Variants in RBMS3 observed in about 807,000 individuals in gnomAD.
The protein encoded by RBMS3 is RNA binding motif single stranded interacting protein 3, also known as RNA-binding motif, single-stranded-interacting protein 3.
A neutral mutation model predicts 66.8 loss-of-function variants in RBMS3; 27 were observed. That is an observed-to-expected ratio of 0.40 (90% CI 0.30 to 0.56). The LOEUF (loss-of-function observed/expected upper bound fraction) is 0.56, where lower values mean the gene tolerates loss of function less well. Among genes scored for constraint, RBMS3 ranks in the 20% least tolerant of loss-of-function variants. The pLI is 0.40. For missense variants in RBMS3, 513 were observed against 549.5 expected (o/e 0.93, Z 0.66); for synonymous variants, 188 against 183.0 (o/e 1.03, Z -0.22).
At chr3:29,845,264 T>C (rs1186975395) in intron 6 of RBMS3, among the ~76,000 whole-genome samples, 3 of 152,216 alleles carry the variant, frequency 2.0e-5, no homozygotes, top group Non-Finnish European at 4.4e-5. Flanking sequence ...AAGTTGGTAG[T>C]TAAGAGTCTG....
At chr3:29,711,108 C>T (rs1006027192) in intron 4 of RBMS3, among the ~76,000 whole-genome samples, 1 of 152,062 alleles carries the variant, frequency 6.6e-6, no homozygotes, top group Non-Finnish European at 1.5e-5. Context: ...ACATACATAG[C>T]TGTGATAAAG....
At chr3:29,978,405 T>G (rs1697740338) in intron 12 of RBMS3, among the ~76,000 whole-genome samples, 1 of 152,134 alleles carries the variant, frequency 6.6e-6, no homozygotes, top group Non-Finnish European at 1.5e-5. Context: ...CTGTTCTTAA[T>G]TTTCAAACAA....
chr3:29,989,993 A>T (rs1466194806), intron 13 of RBMS3, among the ~76,000 whole-genome samples: 3 of 152,200 alleles, frequency 2.0e-5, no homozygotes, highest in Non-Finnish European at 4.4e-5. Context: ...TATTGGAAAC[A>T]GTCTAATTAT....
chr3:29,871,569 G>T (rs1448127878), intron 7 of RBMS3, among the ~76,000 whole-genome samples: 2 of 151,970 alleles, frequency 1.3e-5, no homozygotes, highest in African/African-American at 4.8e-5. Flanking sequence ...TGTTTGTTTT[G>T]ATATATGAAA....
chr3:29,985,065 G>T (rs1458203657), intron 12 of RBMS3, among the ~76,000 whole-genome samples: 1 of 152,218 alleles, frequency 6.6e-6, no homozygotes, highest in Non-Finnish European at 1.5e-5. Flanking sequence ...CCTAACTGGG[G>T]CTGCTGCCTT....
intron 3 of RBMS3, among the ~76,000 whole-genome samples, chr3:29,546,768 A>G (rs1017261523): frequency 9.2e-5 from 14 of 152,168 alleles, no homozygotes; most frequent in African/African-American, 3.4e-4. Flanking sequence ...GTTTTTGAGT[A>G]GACTCATTTC....
chr3:29,967,660 T>G (rs1250123413), intron 12 of RBMS3, among the ~76,000 whole-genome samples: 4 of 152,214 alleles, frequency 2.6e-5, no homozygotes, highest in Non-Finnish European at 4.4e-5. Flanking sequence ...GTTATCGGTC[T>G]GTTCAGGGCA....
At chr3:29,356,077 T>A (rs1041308586) in intron 1 of RBMS3, among the ~76,000 whole-genome samples, 3 of 152,152 alleles carry the variant, frequency 2.0e-5, no homozygotes, top group Admixed American at 1.3e-4. Context: ...CATCTTTGTT[T>A]TTGTAAGGAC....
chr3:29,310,625 G>A (rs1442114564), intron 1 of RBMS3, among the ~76,000 whole-genome samples: 2 of 151,582 alleles, frequency 1.3e-5, no homozygotes, highest in Non-Finnish European at 3.0e-5. Context: ...TATTTTATGG[G>A]AAGATTTTCT....
chr3:29,836,898 T>C (rs995109874), intron 6 of RBMS3, among the ~76,000 whole-genome samples: 1 of 151,948 alleles, frequency 6.6e-6, no homozygotes, highest in Non-Finnish European at 1.5e-5. Context: ...CTCTAATGTT[T>C]AACTTAAGTA....
At chr3:29,689,287 C>A (rs993570307) in intron 4 of RBMS3, among the ~76,000 whole-genome samples, 10 of 152,100 alleles carry the variant, frequency 6.6e-5, no homozygotes, top group Admixed American at 3.3e-4. Context: ...ATAAAAAGAT[C>A]TACATCTTTT....
chr3:29,340,139 C>T (rs574796963), intron 1 of RBMS3, among the ~76,000 whole-genome samples: 3 of 152,126 alleles, frequency 2.0e-5, no homozygotes, highest in Non-Finnish European at 4.4e-5. Context: ...GTTTGTCTGT[C>T]TTCTCCCAGG....
At chr3:29,857,395 G>A (rs544779502) in intron 6 of RBMS3, among the ~76,000 whole-genome samples, 23 of 94,888 alleles carry the variant, frequency 2.4e-4, no homozygotes, top group East Asian at 6.1e-4. Context: ...ACGGGGCCCC[G>A]ATTTGTTTTT....
At position 29,605,144 on chromosome 3, in the gene RBMS3, C is replaced by T. The variant is rs1377034698; in HGVS notation, c.399+17939C>T. On this transcript the variant is annotated intron_variant, in intron 4 of 14. Coordinates refer to ENST00000383767, the MANE Select transcript of RBMS3 (RefSeq NM_001003793.3). The stretch of plus-strand genomic sequence containing the variant: ...ATATTTTTGTAAATTGTTTATCCTC[C>T]TTTGCTTTTCCTCCTTTGAAATACA... Among the ~76,000 whole-genome samples, 7 of 151,572 alleles carry T rather than the reference C, an allele frequency of 4.6e-5. No individual in the cohort carries two copies. The Admixed American group carries it at 4.6e-4, about 10-fold the overall frequency.
rs557670835 is a variant in RBMS3 at position 29,462,699 on chromosome 3, A to G, written c.249-25742A>G. 8.3e-4 allele frequency among the ~76,000 whole-genome samples: 126 copies of G among 152,298 alleles called. 3 individuals are homozygous for G. The South Asian group carries it at 8.9e-3, about 11-fold the overall frequency. ...TAAAGCTATATTTGATGTATGACAAATGTATATTCATAGATTGCTACCACA... is the reference window on the plus strand; with the variant it reads ...TAAAGCTATATTTGATGTATGACAAGTGTATATTCATAGATTGCTACCACA... On this transcript the variant is annotated intron_variant, in intron 2 of 14. Transcript: ENST00000383767.
intron 3 of RBMS3, among the ~76,000 whole-genome samples, chr3:29,577,410 G>T (rs1005165087): frequency 1.3e-5 from 2 of 152,134 alleles, no homozygotes; most frequent in African/African-American, 4.8e-5. Flanking sequence ...TGCCCCGGCT[G>T]GTGTCTCCCT....
At chr3:29,336,624 C>A (rs1159141703) in intron 1 of RBMS3, among the ~76,000 whole-genome samples, 1 of 152,078 alleles carries the variant, frequency 6.6e-6, no homozygotes, top group Non-Finnish European at 1.5e-5. Flanking sequence ...GCTACCATGT[C>A]TTAGGCATCA....
rs1369551379 is a variant in RBMS3 at position 29,744,922 on chromosome 3, C to T, written c.557+5045C>T. ...CCTGAATAATTTTTTCAGTGGACTTCATTTTGAATGTTACTATTGGTGACT... is the reference window on the plus strand; with the variant it reads ...CCTGAATAATTTTTTCAGTGGACTTTATTTTGAATGTTACTATTGGTGACT... On this transcript the variant is annotated intron_variant, in intron 5 of 14. Transcript: ENST00000383767. Among the ~76,000 whole-genome samples, 6 of 152,102 alleles carry T rather than the reference C, an allele frequency of 3.9e-5. 1 individual carries two copies. The South Asian group carries it at 1.0e-3, about 26-fold the overall frequency.
intron 1 of RBMS3, among the ~76,000 whole-genome samples, chr3:29,330,382 C>T (rs2035582412): frequency 1.3e-5 from 2 of 152,224 alleles, no homozygotes; most frequent in South Asian, 4.1e-4. Context: ...ACTGGATACA[C>T]TTTGGAAGAA....
Sources: allele counts gnomAD v4.1 joint callset (sites outside exome capture counted in the v4.1 genomes callset), GRCh38; gene constraint gnomAD v4.1.1; transcripts MANE v1.5; gene names NCBI Gene and HGNC (gene_info 2026-07-23, HGNC 2026-07-21).